The following JMJD7 variants were observed in gnomAD, a reference collection of about 807,000 sequenced individuals.
JMJD7 encodes jumonji domain containing 7.
Under a neutral mutation model 41.1 loss-of-function variants are expected in JMJD7, and 41 were observed. The observed-to-expected ratio is 1.00, with a 90% confidence interval of 0.78 to 1.30. The LOEUF is 1.30. JMJD7 is among the 50% of genes most tolerant of loss of function. The probability of loss-of-function intolerance (pLI) is 0.00; values close to 1 mark genes in which losing one functional copy is unlikely to be tolerated. For missense variants in JMJD7, 480 were observed against 420.7 expected (o/e 1.14, Z -1.23); for synonymous variants, 202 against 177.2 (o/e 1.14, Z -1.11).
chr15:41,835,558 C>T, intron 3 of JMJD7, 30 bp from the exon 4 acceptor site: 1 of 1,607,740 alleles, frequency 6.2e-7, no homozygotes, highest in South Asian at 1.1e-5. Context: ...CCTGGCCTTC[C>T]TAACTTGCTC....
In JMJD7 at chr15:41,834,818, C is replaced by T. The variant is rs754555649; in HGVS notation, c.143C>T (p.Pro48Leu). The T allele has an allele frequency of 5.0e-6, 8 of 1,614,120 alleles. No individual in the cohort carries two copies. The highest frequency in any genetic ancestry group is 3.3e-5 in the South Asian group (3 of 91,088). ...CACTTCTACCGGGACTGGGTCTGCC[C>T]CAACAGGCCGTGCATTATCCGCAAC... The part of the protein sequence containing the change: ...PLHFYRDWVC[P>L]NRPCIIRNAL... The change falls in exon 2 of 8, where the codon CCC (proline) becomes CTC (leucine). Residue 48 changes from proline (P) to leucine (L), a missense_variant. Physicochemically the swap from Pro to Leu is moderately conservative, Grantham distance 98. Coordinates refer to ENST00000397299, the MANE Select transcript of JMJD7 (RefSeq NM_001114632.2).
intron 4 of JMJD7, 138 bp downstream of exon 4, chr15:41,835,782 G>A (rs973819147): frequency 3.6e-6 from 4 of 1,099,496 alleles, no homozygotes; most frequent in South Asian, 3.3e-5. Context: ...CTAGGACTCG[G>A]GCACCACAGA....
At chr15:41,828,716 A>G (rs938475156) in intron 1 of JMJD7, among the ~76,000 whole-genome samples, 2 of 152,244 alleles carry the variant, frequency 1.3e-5, no homozygotes, top group Admixed American at 6.5e-5. Context: ...TGTGATGGGT[A>G]TGTAATATAC....
At position 41,836,552 on chromosome 15, in the gene JMJD7, G is replaced by C; in HGVS notation, c.702+1G>C. The C allele has an allele frequency of 6.3e-7, 1 of 1,577,060 alleles. No individual in the cohort carries two copies. Among genetic ancestry groups the C allele is most frequent in the Non-Finnish European group, 8.6e-7 (1 of 1,161,272 alleles). On this transcript the variant is annotated splice_donor_variant, in intron 6 of 7. Coordinates refer to ENST00000397299, the MANE Select transcript of JMJD7 (RefSeq NM_001114632.2). LOFTEE classifies it high-confidence loss of function. ...GGTGGATGAAGAGGCCATGGAGAAG[G>C]TGTCTGTCCTGTTCTTGGGCTCTAG...
In JMJD7 at chr15:41,836,842, A is replaced by G; in HGVS notation, c.764A>G (p.Gln255Arg). ...CTAGCACGGTACCCTAGTTACAGTC[A>G]GGCCCAGGCCCTTCGCTGCACGGTG... is the stretch of plus-strand genomic sequence containing the variant. Reference protein sequence around the residue: ...PDLARYPSYSQAQALRCTVRA... With the variant: ...PDLARYPSYSRAQALRCTVRA... The change falls in exon 7 of 8, where the codon CAG becomes CGG. Residue 255 changes from glutamine (Q) to arginine (R), a missense_variant. Physicochemically the swap from Gln to Arg is conservative, Grantham distance 43. Transcript: ENST00000397299. The G allele has an allele frequency of 6.2e-7, 1 of 1,613,120 alleles. No individual in the cohort carries two copies. The highest frequency in any genetic ancestry group is 8.5e-7 in the Non-Finnish European group (1 of 1,179,724).
intron 5 of JMJD7, 114 bp from the exon 6 acceptor site, chr15:41,836,361 G>A (rs779431554): frequency 6.4e-7 from 1 of 1,552,882 alleles, no homozygotes; most frequent in Non-Finnish European, 8.8e-7. Context: ...CATCCCCAGT[G>A]CACCAGGGCC....
intron 1 of JMJD7, among the ~76,000 whole-genome samples, 169 bp from the exon 2 acceptor site, chr15:41,834,571 T>C (rs931872147): frequency 6.6e-6 from 1 of 152,250 alleles, no homozygotes; most frequent in Non-Finnish European, 1.5e-5. Context: ...CTTTCTGCTT[T>C]CATTTTTCCG....
rs185919788 is a variant in JMJD7 at position 41,835,318 on chromosome 15, G to A, written c.472+95G>A. 7.4e-4 allele frequency: 1,097 copies of A among 1,487,672 alleles called. 5 individuals are homozygous for A. In the African/African-American group the frequency reaches 0.014, roughly 19 times the overall value. 92.2% of individuals were successfully genotyped at this position (1,487,672 alleles called of 1,614,324 possible). On this transcript the variant is annotated intron_variant, in intron 3 of 7. Transcript: ENST00000397299. Reference sequence around the variant, plus strand: ...GCCCTTAGGTGATGACCTGGCCTATGGGCTTGGTCCTGTCAGCATCTGGTG... The same window carrying A: ...GCCCTTAGGTGATGACCTGGCCTATAGGCTTGGTCCTGTCAGCATCTGGTG...
At chr15:41,833,093 AG>A (rs1434489973) in intron 1 of JMJD7, among the ~76,000 whole-genome samples, 1 of 152,100 alleles carries the variant, frequency 6.6e-6, no homozygotes, top group Non-Finnish European at 1.5e-5. Flanking sequence ...ATTTGTTACT[AG>A]GGGTGTGACA....
chr15:41,833,414 A>ATATATATATATATTTTTTT (rs1239528383), intron 1 of JMJD7, among the ~76,000 whole-genome samples: 2 of 32,014 alleles, frequency 6.2e-5, no homozygotes, highest in East Asian at 9.8e-4. Flanking sequence ...ATATATATAT[A>ATATATATATATATTTTTTT]TTTTTTTTTT....
chr15:41,828,294 G>T, intron 1 of JMJD7, 106 bp downstream of exon 1: 2 of 1,330,690 alleles, frequency 1.5e-6, no homozygotes, highest in Non-Finnish European at 9.8e-7. Context: ...CTGCCCTGAG[G>T]CCCCGCTCGG....
At position 41,836,226 on chromosome 15, in the gene JMJD7, G is replaced by A. The variant is rs773036469; in HGVS notation, c.608G>A (p.Arg203Gln). Residue 203 changes from arginine to glutamine, a missense_variant, in exon 5 of 8, where the codon CGG becomes CAG. Transcript: ENST00000397299. ...TTCCTGTTCCATCCGCCCAGCGACC[G>A]GCCCTTCATCCCCTATGGTAGGGGA... ...KHFLFHPPSD[R>Q]PFIPYELYTP... 21 of 1,612,868 alleles carry A rather than the reference G, an allele frequency of 1.3e-5. No homozygotes were observed. The highest frequency in any genetic ancestry group is 5.3e-5 in the African/African-American group (4 of 74,884).
intron 1 of JMJD7, among the ~76,000 whole-genome samples, chr15:41,833,428 T>TA (rs1228769999): frequency 5.0e-5 from 5 of 99,094 alleles, no homozygotes; most frequent in African/African-American, 1.5e-4. Context: ...TTTTTTTTTT[T>TA]TTTTTTTTTT....
In JMJD7 at chr15:41,836,159, C is replaced by G. The variant is rs764625288; in HGVS notation, c.541C>G (p.His181Asp). The change falls in exon 5 of 8, where the codon CAC (histidine) becomes GAC (aspartate). Residue 181 changes from histidine (H) to aspartate (D), a missense_variant. By Grantham distance (81) the His-to-Asp change is moderately conservative. Transcript: ENST00000397299. The stretch of plus-strand genomic sequence containing the variant: ...CTTTCTGTTGGCAGTGCACAAGGAC[C>G]ACTATGAGAACCTCTACTGCGTGGT... ...AAAVTSLHKD[H>D]YENLYCVVSG... The G allele has an allele frequency of 1.9e-6, 3 of 1,604,870 alleles. No homozygotes were observed. The highest frequency in any genetic ancestry group is 2.6e-6 in the Non-Finnish European group (3 of 1,175,346).
chr15:41,835,445 A>C, intron 3 of JMJD7, 143 bp from the exon 4 acceptor site: 1 of 1,366,610 alleles, frequency 7.3e-7, no homozygotes, highest in Non-Finnish European at 9.9e-7. Flanking sequence ...CCCTTCCCCA[A>C]GATTTCCCAA....
chr15:41,836,718 G>T, intron 6 of JMJD7, 63 bp from the exon 7 acceptor site: 3 of 1,526,330 alleles, frequency 2.0e-6, no homozygotes, highest in South Asian at 2.5e-5. Flanking sequence ...CCTTTGGAAG[G>T]GACAGAGCCT....
At position 41,836,538 on chromosome 15, in the gene JMJD7, A is replaced by T; in HGVS notation, c.689A>T (p.Glu230Val). 1 of 1,586,834 alleles carries T rather than the reference A, an allele frequency of 6.3e-7. No individual in the cohort carries two copies. Among genetic ancestry groups the T allele is most frequent in the Non-Finnish European group, 8.6e-7 (1 of 1,166,078 alleles). ...EEGTFKVVDEEAMEKVPWIPL... is the reference protein window; with the variant it reads ...EEGTFKVVDEVAMEKVPWIPL... ...GGCACCTTTAAGGTGGTGGATGAAG[A>T]GGCCATGGAGAAGGTGTCTGTCCTG... Residue 230 changes from glutamate to valine, a missense_variant, in exon 6 of 8, where the codon GAG becomes GTG. Transcript: ENST00000397299.
In JMJD7 at chr15:41,834,863, C is replaced by T; in HGVS notation, c.188C>T (p.Ala63Val). Residue 63 changes from alanine (A) to valine (V), a missense_variant, in exon 2 of 8, where the codon GCC becomes GTC. Ala to Val is a moderately conservative substitution (Grantham distance 64). Coordinates refer to ENST00000397299, the MANE Select transcript of JMJD7 (RefSeq NM_001114632.2). ...CGCAACGCTCTGCAGCACTGGCCGG[C>T]CCTCCAGAAGTGGTCCCTCCCCTAT... ...IIRNALQHWP[A>V]LQKWSLPYFR... 6.2e-7 allele frequency: 1 copy of T among 1,614,204 alleles called. No homozygotes were observed.
chr15:41,828,746 G>A lies in JMJD7; in HGVS notation c.64+558G>A, dbSNP rs117516704. Among the ~76,000 whole-genome samples, 246 of 152,222 alleles carry A rather than the reference G, an allele frequency of 1.6e-3. 2 individuals are homozygous for A. The highest frequency in any genetic ancestry group is 1.7e-3 in the South Asian group (8 of 4,816). ...ATATACAGTGGTACGCAATGTAAAT[G>A]AAGCAAGGTTTCCTCCCAGCCCCAG... On this transcript the variant is annotated intron_variant, in intron 1 of 7. Coordinates refer to ENST00000397299, the MANE Select transcript of JMJD7 (RefSeq NM_001114632.2).
Sources: allele counts gnomAD v4.1 joint callset (sites outside exome capture counted in the v4.1 genomes callset), GRCh38; gene constraint gnomAD v4.1.1; transcripts MANE v1.5; gene names NCBI Gene and HGNC (gene_info 2026-07-23, HGNC 2026-07-21).